ATP8A2: variants seen among roughly 807,000 people sequenced by gnomAD.
The protein encoded by ATP8A2 is phospholipid-transporting ATPase IB.
Under a neutral mutation model 165.6 loss-of-function variants are expected in ATP8A2, and 100 were observed. That is an observed-to-expected ratio of 0.60 (90% confidence interval 0.51 to 0.71). The LOEUF (loss-of-function observed/expected upper bound fraction) is 0.71, where lower values mean the gene tolerates loss of function less well. ATP8A2 is among the 30% of genes least tolerant of loss of function. The pLI is 0.00. For missense variants in ATP8A2, 1,227 were observed against 1,479.5 expected (o/e 0.83, Z 2.80); for synonymous variants, 543 against 548.8 (o/e 0.99, Z 0.15).
intron 25 of ATP8A2, among the ~76,000 whole-genome samples, chr13:25,728,614 A>G (rs3132367): frequency 0.1 from 15,218 of 152,174 alleles, 883 homozygotes; most frequent in African/African-American, 0.16. Context: ...CAGCATTGCA[A>G]TGTACTATTG....
chr13:25,472,255 G>C (rs751432796), intron 2 of ATP8A2, among the ~76,000 whole-genome samples: 1 of 152,030 alleles, frequency 6.6e-6, no homozygotes, highest in African/African-American at 2.4e-5. Context: ...TTAGCCGGGC[G>C]TGGTGGTGCT....
chr13:25,543,385 G>A lies in ATP8A2; in HGVS notation c.874G>A (p.Asp292Asn), dbSNP rs982621651. Reference protein sequence around the residue: ...VFGIVVYTGHDTKLMQNSTKA... With the variant: ...VFGIVVYTGHNTKLMQNSTKA... Reference sequence around the variant, plus strand: ...TGGCATAGTTGTTTATACTGGACACGACACCAAACTCATGCAGGTAAAACA... The same window carrying A: ...TGGCATAGTTGTTTATACTGGACACAACACCAAACTCATGCAGGTAAAACA... The change falls in exon 10 of 37, where the codon GAC (aspartate) becomes AAC (asparagine). Residue 292 changes from aspartate (D) to asparagine (N), a missense_variant. This residue lies in a region of ATP8A2 where 356 missense variants were observed against 394.9 expected (regional missense o/e 0.90). Transcript: ENST00000381655. The A allele has an allele frequency of 2.5e-6, 4 of 1,603,892 alleles. No individual in the cohort carries two copies. Among genetic ancestry groups the A allele is most frequent in the Non-Finnish European group, 3.4e-6 (4 of 1,171,578 alleles).
chr13:25,613,592 AC>A (rs2040747211), intron 24 of ATP8A2, among the ~76,000 whole-genome samples: 1 of 152,164 alleles, frequency 6.6e-6, no homozygotes, highest in African/African-American at 2.4e-5. Flanking sequence ...AAACAAAAAA[AC>A]AAACAAACAC....
chr13:26,018,245 G>A (rs1957027648), intron 36 of ATP8A2, among the ~76,000 whole-genome samples: 3 of 152,230 alleles, frequency 2.0e-5, no homozygotes, highest in Admixed American at 1.3e-4. Context: ...GCCAGCCCAG[G>A]ACCGGGACTC....
intron 24 of ATP8A2, among the ~76,000 whole-genome samples, chr13:25,679,902 AC>A (rs2042448984): frequency 6.6e-6 from 1 of 152,196 alleles, no homozygotes; most frequent in Non-Finnish European, 1.5e-5. Context: ...GGGGATTAAG[AC>A]AGCATCAGTT....
chr13:25,388,328 A>G (rs1284254031), intron 1 of ATP8A2, among the ~76,000 whole-genome samples: 1 of 152,160 alleles, frequency 6.6e-6, no homozygotes, highest in Non-Finnish European at 1.5e-5. Flanking sequence ...GTGTAGCAGG[A>G]CAAGCCGCAG....
intron 24 of ATP8A2, among the ~76,000 whole-genome samples, chr13:25,591,791 C>T (rs2040087655): frequency 6.6e-6 from 1 of 152,056 alleles, no homozygotes; most frequent in South Asian, 2.1e-4. Context: ...CCATGTTGGC[C>T]AGGATGGTCT....
intron 27 of ATP8A2, among the ~76,000 whole-genome samples, chr13:25,792,244 C>G (rs1300377766): frequency 1.3e-5 from 2 of 152,188 alleles, no homozygotes; most frequent in African/African-American, 4.8e-5. Context: ...AGTATAAAGG[C>G]TTTCATTTTT....
chr13:25,409,832 C>T (rs530166212), intron 1 of ATP8A2, among the ~76,000 whole-genome samples: 14 of 152,106 alleles, frequency 9.2e-5, no homozygotes, highest in African/African-American at 3.1e-4. Flanking sequence ...TGACTCCCAT[C>T]AGCCATTAGA....
chr13:25,413,444 G>A lies in ATP8A2; in HGVS notation c.76+41156G>A, dbSNP rs1398318071. On this transcript the variant is annotated intron_variant, in intron 1 of 36. Coordinates refer to ENST00000381655, the MANE Select transcript of ATP8A2 (RefSeq NM_016529.6). ...TTACAGGCGCCCACCCCCACACCTAGCTAATTTTTGTATTTCTAGTAGAGA... is the reference window on the plus strand; with the variant it reads ...TTACAGGCGCCCACCCCCACACCTAACTAATTTTTGTATTTCTAGTAGAGA... Among the ~76,000 whole-genome samples, 4 of 151,518 alleles carry A rather than the reference G, an allele frequency of 2.6e-5. No individual in the cohort carries two copies. The East Asian group carries it at 5.8e-4, about 22-fold the overall frequency.
intron 24 of ATP8A2, among the ~76,000 whole-genome samples, chr13:25,614,798 C>T (rs2040779619): frequency 6.6e-6 from 1 of 152,196 alleles, no homozygotes; most frequent in Non-Finnish European, 1.5e-5. Context: ...CCCAGCAGAG[C>T]TGCCTGGCTC....
intron 8 of ATP8A2, among the ~76,000 whole-genome samples, chr13:25,541,143 G>A (rs2038463351): frequency 6.6e-6 from 1 of 152,070 alleles, no homozygotes; most frequent in Non-Finnish European, 1.5e-5. Context: ...GGGATTACAG[G>A]CATGAGATAC....
At position 25,891,525 on chromosome 13, in the gene ATP8A2, G is replaced by C. The variant is rs1433436868; in HGVS notation, c.3183+29117G>C. 2.0e-4 allele frequency among the ~76,000 whole-genome samples: 30 copies of C among 152,072 alleles called. 1 individual carries two copies. Among genetic ancestry groups the C allele is most frequent in the Admixed American group, 2.0e-3 (30 of 15,272 alleles). On this transcript the variant is annotated intron_variant, in intron 33 of 36. Coordinates refer to ENST00000381655, the MANE Select transcript of ATP8A2 (RefSeq NM_016529.6). ...TTTGGTAGAGACGGGGTTTCACCAG[G>C]TTGGCCAGGCTGGTCTCGAACTCCC...
chr13:25,689,567 T>C (rs2042678535), intron 24 of ATP8A2, among the ~76,000 whole-genome samples: 1 of 152,226 alleles, frequency 6.6e-6, no homozygotes. Context: ...GCAGAATAGC[T>C]ATATCATTAT....
At chr13:25,787,707 T>C (rs187123419) in intron 27 of ATP8A2, among the ~76,000 whole-genome samples, 90 of 152,346 alleles carry the variant, frequency 5.9e-4, no homozygotes, top group African/African-American at 2.1e-3. Context: ...CATAACACCA[T>C]TGGCCGGGCC....
intron 31 of ATP8A2, 25 bp downstream of exon 31, chr13:25,860,281 C>T: frequency 6.5e-7 from 1 of 1,539,214 alleles, no homozygotes; most frequent in Non-Finnish European, 9.0e-7. Flanking sequence ...GTTTATTAAG[C>T]CATTCTTAAA....
At chr13:25,600,458 G>A (rs940861400) in intron 24 of ATP8A2, among the ~76,000 whole-genome samples, 1 of 152,226 alleles carries the variant, frequency 6.6e-6, no homozygotes, top group African/African-American at 2.4e-5. Flanking sequence ...TGAATTTCAA[G>A]TGTAAAGATT....
At chr13:25,604,046 T>G (rs2040456586) in intron 24 of ATP8A2, among the ~76,000 whole-genome samples, 1 of 148,530 alleles carries the variant, frequency 6.7e-6, no homozygotes, top group East Asian at 2.0e-4. Context: ...GGTGGTGGGG[T>G]GGGGGGTACT....
chr13:25,572,225 C>G (rs2039487740), intron 18 of ATP8A2, among the ~76,000 whole-genome samples: 1 of 152,186 alleles, frequency 6.6e-6, no homozygotes, highest in Non-Finnish European at 1.5e-5. Context: ...ACCTCTGCTT[C>G]CCAGGTTCAA....
Sources: allele counts gnomAD v4.1 joint callset (sites outside exome capture counted in the v4.1 genomes callset), GRCh38; gene constraint gnomAD v4.1.1; regional missense constraint gnomAD v4.1.1; transcripts MANE v1.5; gene names NCBI Gene and HGNC (gene_info 2026-07-23, HGNC 2026-07-21).